The following SNAPC1 variants were observed in gnomAD, a reference collection of about 807,000 sequenced individuals.
The protein encoded by SNAPC1 is snRNA-activating protein complex subunit 1.
In SNAPC1, 42 loss-of-function variants were observed where a neutral mutation model predicts 50.1. The ratio of observed to expected loss-of-function variants is 0.84; its 90% confidence interval spans 0.65 to 1.08. The LOEUF is 1.08. Among genes scored for constraint, SNAPC1 ranks in the 50% least tolerant of loss-of-function variants. SNAPC1 has a pLI of 0.00. For missense variants in SNAPC1, 477 were observed against 427.3 expected, an observed-to-expected ratio of 1.12 and a Z score of -1.02; for synonymous variants, 164 against 144.2, an observed-to-expected ratio of 1.14 and a Z score of -0.98.
At chr14:61,794,284 CTTATTA>C (rs925169901) in intron 9 of SNAPC1, among the ~76,000 whole-genome samples, 1 of 152,006 alleles carries the variant, frequency 6.6e-6, no homozygotes, top group Non-Finnish European at 1.5e-5. Flanking sequence ...TTCACAGTAA[CTTATTA>C]TTAATTAGGA....
At chr14:61,774,230 G>A (rs574392276) in intron 4 of SNAPC1, among the ~76,000 whole-genome samples, 131 of 150,228 alleles carry the variant, frequency 8.7e-4, no homozygotes, top group African/African-American at 3.2e-3. Flanking sequence ...TTGAATTCCT[G>A]GGCTCAAGCC....
chr14:61,783,319 C>T (rs1189838774), intron 8 of SNAPC1, among the ~76,000 whole-genome samples: 1 of 151,916 alleles, frequency 6.6e-6, no homozygotes, highest in African/African-American at 2.4e-5. Context: ...GTATGAGCCA[C>T]CGCACGCGGC....
chr14:61,767,153 A>G, intron 2 of SNAPC1, 59 bp from the exon 3 acceptor site: 1 of 1,246,722 alleles, frequency 8.0e-7, no homozygotes, highest in Non-Finnish European at 1.1e-6. Flanking sequence ...TTAAAATTAT[A>G]ATATGTTTGT....
In SNAPC1 at chr14:61,768,562, T is replaced by G. The variant is rs927323647; in HGVS notation, c.430-74T>G. 16 of 803,352 alleles carry G rather than the reference T, an allele frequency of 2.0e-5. No individual in the cohort carries two copies. In the African/African-American group the frequency reaches 2.6e-4, roughly 13 times the overall value. 49.8% of individuals were successfully genotyped at this position (803,352 alleles called of 1,614,324 possible). A position where few individuals can be genotyped will look rare whatever the true frequency, so the allele number is the denominator to read the frequency against. ...TTTACTTATAGACAATTTTTAGTGC[T>G]GGCTTATATTTCAATACTTTTAACA... On this transcript the variant is annotated intron_variant, in intron 3 of 9. Coordinates refer to ENST00000216294, the MANE Select transcript of SNAPC1 (RefSeq NM_003082.4).
chr14:61,768,281 T>A (rs2044963541), intron 3 of SNAPC1, among the ~76,000 whole-genome samples: 1 of 152,218 alleles, frequency 6.6e-6, no homozygotes, highest in South Asian at 2.1e-4. Context: ...CGTACAAAAT[T>A]GTTAAAAATT....
At chr14:61,769,271 T>A (rs925551995) in intron 4 of SNAPC1, among the ~76,000 whole-genome samples, 2 of 150,800 alleles carry the variant, frequency 1.3e-5, no homozygotes, top group Non-Finnish European at 2.9e-5. Context: ...GGCTGGAGAA[T>A]CACAAACCCC....
Position 61,791,158 on chromosome 14 carries a change from C to CCCA in SNAPC1, c.977-1642_977-1640dup. ...TCCCGGGTAGCTGGGATTACAGGCA[C>CCCA]CCACCACCATGCCCAGCTAATTTTT... On this transcript the variant is annotated intron_variant, in intron 8 of 9. Coordinates refer to ENST00000216294, the MANE Select transcript of SNAPC1 (RefSeq NM_003082.4). Among the ~76,000 whole-genome samples the CCCA allele has an allele frequency of 1.3e-5, 2 of 151,992 alleles. 1 individual carries two copies. The highest frequency in any genetic ancestry group is 4.2e-4 in the South Asian group (2 of 4,802).
intron 4 of SNAPC1, among the ~76,000 whole-genome samples, chr14:61,775,726 T>C (rs530978731): frequency 5.5e-4 from 84 of 152,144 alleles, no homozygotes; most frequent in Non-Finnish European, 1.1e-3. Flanking sequence ...CAATATGATA[T>C]AAAAATATCT....
chr14:61,775,821 G>A (rs951762237), intron 4 of SNAPC1, among the ~76,000 whole-genome samples: 1 of 152,092 alleles, frequency 6.6e-6, no homozygotes, highest in African/African-American at 2.4e-5. Context: ...TAACTGATTT[G>A]TCTTTCCCCA....
intron 3 of SNAPC1, 29 bp downstream of exon 3, chr14:61,767,381 T>A: frequency 4.4e-6 from 6 of 1,366,274 alleles, no homozygotes; most frequent in Non-Finnish European, 4.8e-6. Context: ...TTTGGTTTTT[T>A]CAAAATGAGC....
At chr14:61,768,227 T>G (rs988318035) in intron 3 of SNAPC1, among the ~76,000 whole-genome samples, 1 of 152,268 alleles carries the variant, frequency 6.6e-6, no homozygotes, top group Non-Finnish European at 1.5e-5. Flanking sequence ...ATTTGGCATC[T>G]GCATTTGCTC....
chr14:61,782,453 AC>A, intron 8 of SNAPC1, 56 bp downstream of exon 8: 1 of 1,375,268 alleles, frequency 7.3e-7, no homozygotes, highest in Non-Finnish European at 9.9e-7. Flanking sequence ...TTTATTTACA[AC>A]TTTGCCTCAT....
chr14:61,776,135 A>G lies in SNAPC1; in HGVS notation c.575A>G (p.His192Arg), dbSNP rs1351531078. 1 of 1,606,838 alleles carries G rather than the reference A, an allele frequency of 6.2e-7. No homozygotes were observed. Among genetic ancestry groups the G allele is most frequent in the South Asian group, 1.1e-5 (1 of 89,376 alleles). Residue 192 changes from histidine to arginine, a missense_variant, in exon 5 of 10, where the codon CAT becomes CGT. Transcript: ENST00000216294. ...NVHDHYQNMK[H>R]VISVDKSKPD... ...CATGATCATTATCAGAACATGAAAC[A>G]TGTAATTTCAGTTGATAAGTCCAAG...
chr14:61,769,286 G>A (rs2044970712), intron 4 of SNAPC1, among the ~76,000 whole-genome samples: 1 of 151,946 alleles, frequency 6.6e-6, no homozygotes, highest in Non-Finnish European at 1.5e-5. Flanking sequence ...AACCCCAGAG[G>A]TAGAGGTTGC....
chr14:61,762,624 C>T (rs1199771073), intron 1 of SNAPC1, 36 bp downstream of exon 1: 4 of 1,611,142 alleles, frequency 2.5e-6, no homozygotes, highest in East Asian at 2.2e-5. Context: ...CCTCTCCCTG[C>T]CCGCAGGTGG....
intron 4 of SNAPC1, among the ~76,000 whole-genome samples, chr14:61,772,513 G>T (rs1325742419): frequency 1.3e-5 from 2 of 152,096 alleles, no homozygotes; most frequent in Non-Finnish European, 2.9e-5. Flanking sequence ...AAAGTGCTGG[G>T]ATTATAGGCG....
intron 1 of SNAPC1, among the ~76,000 whole-genome samples, chr14:61,762,857 T>G (rs1046649560): frequency 6.6e-6 from 1 of 151,984 alleles, no homozygotes; most frequent in African/African-American, 2.4e-5. Flanking sequence ...ATCTCCACCC[T>G]GAGCCAGGCC....
intron 1 of SNAPC1, among the ~76,000 whole-genome samples, chr14:61,765,631 G>T (rs1454156596): frequency 6.6e-6 from 1 of 152,156 alleles, no homozygotes. Context: ...CTATCTCAGT[G>T]AGCCGAGAAG....
intron 8 of SNAPC1, among the ~76,000 whole-genome samples, chr14:61,788,574 G>A (rs191935550): frequency 2.6e-5 from 4 of 152,238 alleles, no homozygotes; most frequent in Admixed American, 2.6e-4. Context: ...GACAGTCAGT[G>A]CATATAGGAA....
Sources: allele counts gnomAD v4.1 joint callset (sites outside exome capture counted in the v4.1 genomes callset), GRCh38; gene constraint gnomAD v4.1.1; transcripts MANE v1.5; gene names NCBI Gene and HGNC (gene_info 2026-07-23, HGNC 2026-07-21).